Variants in COL23A1 observed in about 807,000 individuals in gnomAD.
COL23A1 encodes collagen alpha-1(XXIII) chain.
Under a neutral mutation model 99.3 loss-of-function variants are expected in COL23A1, and 97 were observed. The observed-to-expected ratio is 0.98, with a 90% confidence interval of 0.83 to 1.16. COL23A1 has a LOEUF of 1.16. Among genes scored for constraint, COL23A1 ranks in the 50% most tolerant of loss-of-function variants. The probability of loss-of-function intolerance (pLI) is 0.00; values close to 1 mark genes in which losing one functional copy is unlikely to be tolerated. For missense variants in COL23A1, 762 were observed against 757.4 expected (o/e 1.01, Z -0.07); for synonymous variants, 320 against 308.2 (o/e 1.04, Z -0.40).
chr5:178,433,269 TAG>T (rs558198953), intron 2 of COL23A1, among the ~76,000 whole-genome samples: 4 of 151,986 alleles, frequency 2.6e-5, no homozygotes, highest in Non-Finnish European at 5.9e-5. Context: ...GGTGATTTGC[TAG>T]AGTGTTTCAC....
Position 178,261,758 on chromosome 5 carries a change from G to A in COL23A1, c.676-10C>T. 1.2e-6 allele frequency: 2 copies of A among 1,604,126 alleles called. No individual in the cohort carries two copies. The highest frequency in any genetic ancestry group is 2.2e-5 in the South Asian group (2 of 90,922). On this transcript the variant is annotated splice_polypyrimidine_tract_variant and intron_variant, in intron 10 of 28. Coordinates refer to ENST00000390654, the MANE Select transcript of COL23A1 (RefSeq NM_173465.4). Reference sequence around the variant, plus strand: ...GGGGTCCCTTTGGGCCCTGGAACAAGAGAAGAGAAGGTGTTAAATGTCATA... The same window carrying A: ...GGGGTCCCTTTGGGCCCTGGAACAAAAGAAGAGAAGGTGTTAAATGTCATA...
Position 178,306,777 on chromosome 5 carries a change from TCAGGGTGGGCAG to T in COL23A1, c.406+86_406+97del. ...CACCTGCCCAGGACCAAGGCATGACTCAGGGTGGGCAGCAGGTGGCCAGGCCCTGCAGTCAGA... is the reference window on the plus strand; with the variant it reads ...CACCTGCCCAGGACCAAGGCATGACTCAGGTGGCCAGGCCCTGCAGTCAGA... On this transcript the variant is annotated intron_variant, in intron 3 of 28. Transcript: ENST00000390654. This position sits in a 1 kb window ranked among gnomAD's most constrained non-coding sequence, Gnocchi z 4.1. The T allele has an allele frequency of 3.3e-6, 3 of 902,842 alleles. No individual in the cohort carries two copies. Among genetic ancestry groups the T allele is most frequent in the Non-Finnish European group, 3.2e-6 (2 of 630,574 alleles). 55.9% of individuals were successfully genotyped at this position (902,842 alleles called of 1,614,324 possible). A position where few individuals can be genotyped will look rare whatever the true frequency, so the allele number is the denominator to read the frequency against.
At chr5:178,477,473 G>C (rs1757093695) in intron 2 of COL23A1, among the ~76,000 whole-genome samples, 1 of 152,196 alleles carries the variant, frequency 6.6e-6, no homozygotes, top group Non-Finnish European at 1.5e-5. Flanking sequence ...CAAATGGCTT[G>C]TTTAAATGAA....
chr5:178,259,669 T>A, intron 12 of COL23A1, 52 bp downstream of exon 12: 1 of 1,353,848 alleles, frequency 7.4e-7, no homozygotes, highest in Non-Finnish European at 1.0e-6. Context: ...TGCCCTTCTC[T>A]CCAGCCACTT....
At chr5:178,333,498 G>A (rs1280534975) in intron 2 of COL23A1, among the ~76,000 whole-genome samples, 3 of 152,078 alleles carry the variant, frequency 2.0e-5, no homozygotes, top group East Asian at 1.9e-4. Flanking sequence ...ACCCAGCCAC[G>A]CCCTTTCATG....
At chr5:178,325,983 G>T (rs1449609397) in intron 2 of COL23A1, among the ~76,000 whole-genome samples, 2 of 152,198 alleles carry the variant, frequency 1.3e-5, no homozygotes, top group African/African-American at 4.8e-5. Flanking sequence ...AGGGCTGTTG[G>T]AAACCACTTG....
At chr5:178,270,440 T>G in intron 5 of COL23A1, 77 bp from the exon 6 acceptor site, 8 of 1,535,870 alleles carry the variant, frequency 5.2e-6, no homozygotes, top group Non-Finnish European at 7.2e-6. Context: ...CCAGGTGCAC[T>G]ATTCAGTGAC....
Position 178,443,429 on chromosome 5 carries a change from C to A in COL23A1, c.361+117253G>T, listed in dbSNP as rs1766991089. Among the ~76,000 whole-genome samples the A allele has an allele frequency of 4.6e-5, 7 of 152,298 alleles. No individual in the cohort carries two copies. The South Asian group carries it at 1.5e-3, about 32-fold the overall frequency. On this transcript the variant is annotated intron_variant, in intron 2 of 28. Coordinates refer to ENST00000390654, the MANE Select transcript of COL23A1 (RefSeq NM_173465.4). ...TACGAAAAACGAAAATCTTCTTCTT[C>A]TGGGGATGTCCAGTTCTGTAAATTT...
chr5:178,422,712 C>T (rs1765702227), intron 2 of COL23A1, among the ~76,000 whole-genome samples: 1 of 152,120 alleles, frequency 6.6e-6, no homozygotes, highest in African/African-American at 2.4e-5. Flanking sequence ...TCTGCATTTC[C>T]ACGTAACGCC....
chr5:178,360,203 G>A (rs938332216), intron 2 of COL23A1, among the ~76,000 whole-genome samples: 2 of 152,090 alleles, frequency 1.3e-5, no homozygotes, highest in South Asian at 2.1e-4. Flanking sequence ...GAGATTTCTC[G>A]GTTGGCCCCA....
chr5:178,529,819 A>AC lies in COL23A1; in HGVS notation c.361+30862_361+30863insG, dbSNP rs576422835. 3.5e-3 allele frequency among the ~76,000 whole-genome samples: 527 copies of AC among 152,332 alleles called. 2 individuals carry two copies. Among genetic ancestry groups the AC allele is most frequent in the African/African-American group, 0.012 (497 of 41,576 alleles). On this transcript the variant is annotated intron_variant, in intron 2 of 28. Transcript: ENST00000390654. Reference sequence around the variant, plus strand: ...TGTCCAGCATGGTGCCAGGCACACAAGAAAGGGCCAGTAGAAGCGTGTGGA... The same window carrying AC: ...TGTCCAGCATGGTGCCAGGCACACAACGAAAGGGCCAGTAGAAGCGTGTGGA...
intron 1 of COL23A1, among the ~76,000 whole-genome samples, chr5:178,585,632 ACAC>A (rs1562115166): frequency 5.9e-5 from 9 of 152,236 alleles, no homozygotes; most frequent in East Asian, 1.9e-4. Context: ...CGCTGGGGTA[ACAC>A]TCCACAGCCC....
intron 2 of COL23A1, among the ~76,000 whole-genome samples, chr5:178,410,438 A>G (rs1765000955): frequency 6.6e-6 from 1 of 152,224 alleles, no homozygotes; most frequent in Non-Finnish European, 1.5e-5. Context: ...AGAAGAACAA[A>G]GTTGGAAGAC....
intron 2 of COL23A1, among the ~76,000 whole-genome samples, chr5:178,512,685 C>G (rs1282802925): frequency 2.6e-5 from 4 of 152,176 alleles, no homozygotes; most frequent in Admixed American, 1.3e-4. Context: ...TGGATAGGTG[C>G]AGAAGAGAAT....
chr5:178,289,942 T>C lies in COL23A1; in HGVS notation c.414+420A>G, dbSNP rs142602728. Among the ~76,000 whole-genome samples the C allele has an allele frequency of 8.0e-4, 122 of 152,332 alleles. 3 individuals are homozygous for C. The East Asian group carries it at 0.022, about 27-fold the overall frequency. On this transcript the variant is annotated intron_variant, in intron 4 of 28. Coordinates refer to ENST00000390654, the MANE Select transcript of COL23A1 (RefSeq NM_173465.4). ...AAACACATGAGTTTTTGTTTTTGTG[T>C]TTGAGACGGGGTCTCATTCTGTCTG... is the stretch of plus-strand genomic sequence containing the variant.
At chr5:178,462,415 T>C (rs747945409) in intron 2 of COL23A1, among the ~76,000 whole-genome samples, 23 of 152,208 alleles carry the variant, frequency 1.5e-4, no homozygotes, top group Non-Finnish European at 2.8e-4. Context: ...TAAACCTGTA[T>C]GCATTTAACT....
chr5:178,458,170 A>AGTGGT (rs1755903482), intron 2 of COL23A1, among the ~76,000 whole-genome samples: 1 of 152,292 alleles, frequency 6.6e-6, no homozygotes, highest in South Asian at 2.1e-4. Flanking sequence ...GATTGACCTC[A>AGTGGT]CTTCTGGAGG....
At chr5:178,486,273 G>T (rs1038397032) in intron 2 of COL23A1, among the ~76,000 whole-genome samples, 8 of 152,234 alleles carry the variant, frequency 5.3e-5, no homozygotes, top group African/African-American at 1.9e-4. Flanking sequence ...AGTGGGTGAC[G>T]TGTTCAAGCT....
rs1423518325 is a variant in COL23A1, at chr5:178,246,460, G to A, written c.1297-7C>T. The A allele has an allele frequency of 1.9e-6, 3 of 1,561,596 alleles. No homozygotes were observed. In the Admixed American group the frequency reaches 5.7e-5, roughly 30 times the overall value. The stretch of plus-strand genomic sequence containing the variant: ...CCTTTGCTCCATCCAAGCCCTGGAG[G>A]CAAAGGAGGGAAATCAGTCAAGGGG... On this transcript the variant is annotated splice_region_variant and splice_polypyrimidine_tract_variant and intron_variant, in intron 22 of 28. Transcript: ENST00000390654.
Sources: allele counts gnomAD v4.1 joint callset (sites outside exome capture counted in the v4.1 genomes callset), GRCh38; gene constraint gnomAD v4.1.1; non-coding constraint Gnocchi (gnomAD v3.1); transcripts MANE v1.5; gene names NCBI Gene and HGNC (gene_info 2026-07-23, HGNC 2026-07-21).